Variants in DPYSL4 observed in about 807,000 individuals in gnomAD.
The protein encoded by DPYSL4 is dihydropyrimidinase like 4.
In DPYSL4, 43 loss-of-function variants were observed where a neutral mutation model predicts 63.4. That is an observed-to-expected ratio of 0.68 (90% CI 0.53 to 0.88). The LOEUF (loss-of-function observed/expected upper bound fraction) is 0.88, where lower values mean the gene tolerates loss of function less well. Ranked by LOEUF, DPYSL4 falls within the 40% of genes least tolerant of loss-of-function variation. The pLI, the probability that DPYSL4 is intolerant of heterozygous loss-of-function variation, is 0.00. For synonymous variants in DPYSL4, 353 were observed against 331.7 expected (o/e 1.06, Z -0.70); for missense variants, 733 against 819.5 (o/e 0.89, Z 1.29).
At chr10:132,189,865 G>A (rs148867267) in intron 1 of DPYSL4, among the ~76,000 whole-genome samples, 74 of 152,350 alleles carry the variant, frequency 4.9e-4, no homozygotes, top group Non-Finnish European at 8.5e-4. Context: ...TCAGGGGGCA[G>A]CCATGGAGTC....
chr10:132,191,803 C>T (rs1411543617), intron 2 of DPYSL4, among the ~76,000 whole-genome samples: 3 of 99,088 alleles, frequency 3.0e-5, no homozygotes, highest in African/African-American at 3.5e-5. Flanking sequence ...GTTCCCAGCT[C>T]GTGTGTACAC....
intron 4 of DPYSL4, 32 bp from the exon 5 acceptor site, chr10:132,196,829 G>GGCTGAGCC (rs771038762): frequency 1.4e-5 from 23 of 1,612,456 alleles, no homozygotes; most frequent in Non-Finnish European, 8.5e-7. Flanking sequence ...GACTGGTGAT[G>GGCTGAGCC]GCTGAGCCTC....
intron 1 of DPYSL4, among the ~76,000 whole-genome samples, chr10:132,189,859 G>T (rs2061851122): frequency 6.6e-6 from 1 of 152,140 alleles, no homozygotes; most frequent in African/African-American, 2.4e-5. Flanking sequence ...CCCCAGTCAG[G>T]GGGCAGCCAT....
In DPYSL4 at chr10:132,196,935, G is replaced by A. The variant is rs563884725; in HGVS notation, c.540+13G>A. 2.2e-4 allele frequency: 358 copies of A among 1,613,522 alleles called. No individual in the cohort carries two copies. Among genetic ancestry groups the A allele is most frequent in the South Asian group, 3.7e-4 (34 of 91,090 alleles). ...CAGCGACAGCCAGGTAAGGGCAGGC[G>A]TGGGGAACGGAGTGGGCAGGTATAT... On this transcript the variant is annotated intron_variant, in intron 5 of 13. Transcript: ENST00000338492.
At chr10:132,192,202 C>T (rs916224765) in intron 2 of DPYSL4, 6 of 560,330 alleles carry the variant, frequency 1.1e-5, no homozygotes, top group Admixed American at 6.3e-5. Context: ...AGAGCCCCGG[C>T]CTTTGGTGAG....
Position 132,200,967 on chromosome 10 carries a change from T to C in DPYSL4, c.1094T>C (p.Val365Ala), listed in dbSNP as rs1285630129. 6 of 1,613,002 alleles carry C rather than the reference T, an allele frequency of 3.7e-6. No homozygotes were observed. The highest frequency in any genetic ancestry group is 1.3e-5 in the African/African-American group (1 of 74,920). Residue 365 changes from valine to alanine, a missense_variant, in exon 10 of 14, where the codon GTC becomes GCC. By Grantham distance (64) the Val-to-Ala change is moderately conservative. Transcript: ENST00000338492. ...GGCATTGAGGAGCGCATGTCGATGG[T>C]CTGGGAGAAATGTGTGGTGAGCACA... Reference protein sequence around the residue: ...TNGIEERMSMVWEKCVASGKM... With the variant: ...TNGIEERMSMAWEKCVASGKM...
At chr10:132,194,503 C>T (rs1389675012) in intron 3 of DPYSL4, among the ~76,000 whole-genome samples, 1 of 152,236 alleles carries the variant, frequency 6.6e-6, no homozygotes, top group Non-Finnish European at 1.5e-5. Flanking sequence ...CTCACCCAGC[C>T]TGACAGGAGC....
At chr10:132,189,529 C>T (rs758655098) in intron 1 of DPYSL4, among the ~76,000 whole-genome samples, 4 of 152,180 alleles carry the variant, frequency 2.6e-5, no homozygotes, top group African/African-American at 9.7e-5. Flanking sequence ...CTACAAAGAG[C>T]GGGCCTCACC....
chr10:132,200,241 G>A (rs936989590), intron 8 of DPYSL4, 115 bp from the exon 9 acceptor site: 4 of 1,344,928 alleles, frequency 3.0e-6, no homozygotes, highest in Admixed American at 1.9e-5. Flanking sequence ...CTGGGCACAA[G>A]CTGTCCCAGG....
At chr10:132,193,278 CTG>C (rs148201728) in intron 3 of DPYSL4, among the ~76,000 whole-genome samples, 104 of 152,362 alleles carry the variant, frequency 6.8e-4, no homozygotes, top group African/African-American at 2.2e-3. Context: ...AGGATGGAGA[CTG>C]TATTTTTAGA....
chr10:132,197,607 A>G (rs902191848), intron 6 of DPYSL4, among the ~76,000 whole-genome samples: 5 of 152,202 alleles, frequency 3.3e-5, no homozygotes, highest in African/African-American at 1.2e-4. Flanking sequence ...AGAGGCACCC[A>G]CAGGTACAGA....
intron 8 of DPYSL4, among the ~76,000 whole-genome samples, chr10:132,199,573 T>C (rs1253249423): frequency 6.6e-6 from 1 of 151,710 alleles, no homozygotes; most frequent in African/African-American, 2.4e-5. Context: ...GGGCATCCCC[T>C]AGGCGGCCTC....
chr10:132,191,713 C>T (rs373606870), intron 2 of DPYSL4, among the ~76,000 whole-genome samples: 25 of 78,632 alleles, frequency 3.2e-4, no homozygotes, highest in Non-Finnish European at 4.4e-4. Context: ...ACGCTGGTCA[C>T]GTGGTATCCA....
chr10:132,192,343 T>C (rs1380721372), intron 2 of DPYSL4: 3 of 1,030,764 alleles, frequency 2.9e-6, no homozygotes, highest in Non-Finnish European at 3.5e-6. Context: ...CCACATCTAT[T>C]AGCGCACCTG....
chr10:132,190,796 C>A lies in DPYSL4; in HGVS notation c.89C>A (p.Ser30Tyr). 1 of 1,613,794 alleles carries A rather than the reference C, an allele frequency of 6.2e-7. No homozygotes were observed. The highest frequency in any genetic ancestry group is 8.5e-7 in the Non-Finnish European group (1 of 1,179,846). The change falls in exon 2 of 14, where the codon TCC becomes TAC. Residue 30 changes from serine to tyrosine, a missense_variant. Coordinates refer to ENST00000338492, the MANE Select transcript of DPYSL4 (RefSeq NM_006426.3). ...RGGRIVNDDQ[S>Y]FYADVHVEDG... is the part of the protein sequence containing the mutation. ...GGGAGGATCGTGAATGACGACCAGT[C>A]CTTTTACGCTGATGTGCACGTGGAA... is the stretch of plus-strand genomic sequence containing the variant.
rs779932992 is a variant in DPYSL4, at chr10:132,190,884, G to T, written c.128+49G>T. On this transcript the variant is annotated intron_variant, in intron 2 of 13. Transcript: ENST00000338492. The stretch of plus-strand genomic sequence containing the variant: ...ATACGTTCCCAGCTCGTGTGTACAC[G>T]CTGGTCACGTGGTATCCAGGCAGTT... The T allele has an allele frequency of 3.2e-6, 5 of 1,573,996 alleles. No individual in the cohort carries two copies. The Admixed American group carries it at 6.8e-5, about 21-fold the overall frequency.
Position 132,203,944 on chromosome 10 carries a change from G to A in DPYSL4, c.1627+17G>A, listed in dbSNP as rs755319522. On this transcript the variant is annotated intron_variant, in intron 13 of 13. Transcript: ENST00000338492. ...GCCTATCTGGTGAGTTGGGCCTGGGGCACCAGTGGGGGTGAGGGGCTCTGC... is the reference window on the plus strand; with the variant it reads ...GCCTATCTGGTGAGTTGGGCCTGGGACACCAGTGGGGGTGAGGGGCTCTGC... 8 of 1,585,578 alleles carry A rather than the reference G, an allele frequency of 5.0e-6. No homozygotes were observed. The highest frequency in any genetic ancestry group is 2.3e-5 in the South Asian group (2 of 88,682).
intron 3 of DPYSL4, among the ~76,000 whole-genome samples, chr10:132,193,780 G>A (rs918400508): frequency 3.3e-5 from 5 of 152,222 alleles, no homozygotes; most frequent in African/African-American, 4.8e-5. Flanking sequence ...GTTAATGCAC[G>A]TCAGTTGCTT....
At chr10:132,199,085 C>A (rs1590101281) in intron 8 of DPYSL4, 114 bp downstream of exon 8, 1 of 1,426,906 alleles carries the variant, frequency 7.0e-7, no homozygotes, top group East Asian at 2.5e-5. Context: ...GGCACTGGAC[C>A]CTGAGTCCCT....
Sources: allele counts gnomAD v4.1 joint callset (sites outside exome capture counted in the v4.1 genomes callset), GRCh38; gene constraint gnomAD v4.1.1; transcripts MANE v1.5; gene names NCBI Gene and HGNC (gene_info 2026-07-23, HGNC 2026-07-21).